PANK4: variants seen among roughly 807,000 people sequenced by gnomAD.
The protein encoded by PANK4 is 4'-phosphopantetheine phosphatase.
In PANK4, 40 loss-of-function variants were observed where a neutral mutation model predicts 87.9. The ratio of observed to expected loss-of-function variants is 0.46; its 90% confidence interval spans 0.35 to 0.59. The LOEUF is 0.59. Ranked by LOEUF, PANK4 falls within the 20% of genes least tolerant of loss-of-function variation. The pLI, the probability that PANK4 is intolerant of heterozygous loss-of-function variation, is 0.00. For synonymous variants in PANK4, 524 were observed against 467.4 expected (o/e 1.12, Z -1.56); for missense variants, 926 against 1,072.3 (o/e 0.86, Z 1.90).
intron 15 of PANK4, 135 bp downstream of exon 15, chr1:2,511,203 T>C: frequency 2.9e-6 from 2 of 691,808 alleles, no homozygotes; most frequent in Non-Finnish European, 5.2e-6. Context: ...CTGAGACCCT[T>C]GGCTCGCAGG....
rs1643618609 is a variant in PANK4, at chr1:2,509,202, G to C, written c.2109-142C>G. The C allele has an allele frequency of 1.5e-6, 1 of 651,114 alleles. No individual in the cohort carries two copies. Among genetic ancestry groups the C allele is most frequent in the East Asian group, 2.7e-5 (1 of 36,392 alleles). 40.3% of individuals were successfully genotyped at this position (651,114 alleles called of 1,614,324 possible). On this transcript the variant is annotated intron_variant, in intron 18 of 18. Transcript: ENST00000378466. The surrounding 1 kb of genome is among the most constrained non-coding windows in gnomAD (Gnocchi z 4.9). The stretch of plus-strand genomic sequence containing the variant: ...AGGCCTCCAAACCCAGCCTCCGCCT[G>C]GTAGCTGCCTCAGCCTGGGGCTTCC...
chr1:2,525,977 GC>G (rs1643918695), intron 1 of PANK4: 1 of 152,238 alleles, frequency 6.6e-6, no homozygotes. Context: ...GGAACGCGCG[GC>G]CTTTTCGGGG....
Position 2,521,157 on chromosome 1 carries a change from C to T in PANK4, c.366G>A (p.Ala122=), listed in dbSNP as rs758904812. The change falls in exon 3 of 19, where the codon GCG becomes GCA. Residue 122 remains alanine (A), a synonymous_variant. Transcript: ENST00000378466. ...LVNTETKVIQ[A]TGGGAYKFKD... Reference sequence around the variant, plus strand: ...TGAACTTGTAGGCCCCGCCCCCGGTCGCCTGGATGACCTTGGTCTCTGTGT... The same window carrying T: ...TGAACTTGTAGGCCCCGCCCCCGGTTGCCTGGATGACCTTGGTCTCTGTGT... 1.2e-5 allele frequency: 20 copies of T among 1,613,850 alleles called. No homozygotes were observed. The highest frequency in any genetic ancestry group is 2.2e-5 in the East Asian group (1 of 44,904).
chr1:2,514,045 T>C lies in PANK4; in HGVS notation c.1532A>G (p.Glu511Gly). The change falls in exon 12 of 19, where the codon GAG becomes GGG. Residue 511 changes from glutamate (E) to glycine (G), a missense_variant. Physicochemically the swap from Glu to Gly is moderately conservative, Grantham distance 98. Transcript: ENST00000378466. ...LTVRSLLDTR[E>G]HCLNEFNFPD... ...GAAGTTGAACTCGTTCAGACAGTGC[T>C]CCCTGGTGTCCAGCAGGCTGCGCAC... 1 of 1,612,860 alleles carries C rather than the reference T, an allele frequency of 6.2e-7. No individual in the cohort carries two copies. The highest frequency in any genetic ancestry group is 8.5e-7 in the Non-Finnish European group (1 of 1,179,918).
intron 1 of PANK4, 40 bp from the exon 2 acceptor site, chr1:2,521,840 GA>G: frequency 7.9e-6 from 12 of 1,518,488 alleles, no homozygotes; most frequent in Non-Finnish European, 9.1e-6. Flanking sequence ...TCAGGACCAG[GA>G]CACAGCGGGG....
Position 2,518,199 on chromosome 1 carries a change from C to T in PANK4, c.1183G>A (p.Glu395Lys), listed in dbSNP as rs1237514405. 3.7e-6 allele frequency: 6 copies of T among 1,610,604 alleles called. No individual in the cohort carries two copies. Among genetic ancestry groups the T allele is most frequent in the Admixed American group, 3.3e-5 (2 of 59,938 alleles). Residue 395 changes from glutamate to lysine, a missense_variant, in exon 9 of 19, where the codon GAG becomes AAG. Coordinates refer to ENST00000378466, the MANE Select transcript of PANK4 (RefSeq NM_018216.4). ...GSSGLMSASPELGPAQRARSG... is the reference protein window; with the variant it reads ...GSSGLMSASPKLGPAQRARSG... ...CGCGCCCGCTGCGCCGGGCCGAGCT[C>T]GGGTGATGCACTCATCAGCCCGGAG...
rs1036737721 is a variant in PANK4 at position 2,520,174 on chromosome 1, A to G, written c.699+148T>C. 750 of 804,586 alleles carry G rather than the reference A, an allele frequency of 9.3e-4. 9 individuals are homozygous for G. The highest frequency in any genetic ancestry group is 2.6e-4 in the Non-Finnish European group (131 of 497,220). 49.8% of individuals were successfully genotyped at this position (804,586 alleles called of 1,614,324 possible). A position where few individuals can be genotyped will look rare whatever the true frequency, so the allele number is the denominator to read the frequency against. On this transcript the variant is annotated intron_variant, in intron 5 of 18. Transcript: ENST00000378466. This position sits in a 1 kb window ranked among gnomAD's most constrained non-coding sequence, Gnocchi z 6.2. ...GACACCCAACCCTCAGGGCGCAAAG[A>G]GTGAAGCCGCAGAGGCCAGAGACCC...
At position 2,515,419 on chromosome 1, in the gene PANK4, C is replaced by T; in HGVS notation, c.1374+143G>A. On this transcript the variant is annotated intron_variant, in intron 10 of 18. Transcript: ENST00000378466. The surrounding 1 kb of genome is among the most constrained non-coding windows in gnomAD (Gnocchi z 5.0). Reference sequence around the variant, plus strand: ...ATTTTTGCCTGAGAAACCAAAATCGCCCCCTCACTCAGACGCAGATCAAGG... The same window carrying T: ...ATTTTTGCCTGAGAAACCAAAATCGTCCCCTCACTCAGACGCAGATCAAGG... The T allele has an allele frequency of 1.1e-6, 1 of 935,332 alleles. No homozygotes were observed. 57.9% of individuals were successfully genotyped at this position (935,332 alleles called of 1,614,324 possible). A position where few individuals can be genotyped will look rare whatever the true frequency, so the allele number is the denominator to read the frequency against.
intron 11 of PANK4, 92 bp from the exon 12 acceptor site, chr1:2,514,181 G>A: frequency 1.6e-6 from 2 of 1,225,880 alleles, no homozygotes; most frequent in Non-Finnish European, 2.4e-6. Context: ...GTCCTCAGGA[G>A]CCCGGCAGTG....
chr1:2,519,346 C>A lies in PANK4; in HGVS notation c.854-22G>T. The A allele has an allele frequency of 6.3e-7, 1 of 1,580,010 alleles. No individual in the cohort carries two copies. The highest frequency in any genetic ancestry group is 2.3e-5 in the East Asian group (1 of 43,922). On this transcript the variant is annotated intron_variant, in intron 6 of 18. Transcript: ENST00000378466. This position sits in a 1 kb window ranked among gnomAD's most constrained non-coding sequence, Gnocchi z 8.3. ...AACTCTGAGGAAGGGAAGGAAAAGG[C>A]ACTCATCTCCAAGTACAGCAAGTGC... is the stretch of plus-strand genomic sequence containing the variant.
intron 11 of PANK4, 93 bp from the exon 12 acceptor site, chr1:2,514,182 C>T: frequency 8.1e-7 from 1 of 1,227,158 alleles, no homozygotes; most frequent in Non-Finnish European, 1.2e-6. Context: ...TCCTCAGGAG[C>T]CCGGCAGTGC....
chr1:2,514,262 G>C, intron 11 of PANK4, 92 bp downstream of exon 11: 1 of 1,185,122 alleles, frequency 8.4e-7, no homozygotes, highest in Non-Finnish European at 1.3e-6. Flanking sequence ...AGCGAGCTGG[G>C]GTCCGAATGC....
chr1:2,510,027 GCCC>G lies in PANK4; in HGVS notation c.2039+27_2039+29del, dbSNP rs201665819. On this transcript the variant is annotated intron_variant, in intron 17 of 18. Transcript: ENST00000378466. This position sits in a 1 kb window ranked among gnomAD's most constrained non-coding sequence, Gnocchi z 4.9. ...CCAGCTGGTGCCCCTCCCCATCAAG[GCCC>G]CCCCAGCACTGCCCGCCAACACTCA... 1 of 1,581,608 alleles carries G rather than the reference GCCC, an allele frequency of 6.3e-7. No homozygotes were observed.
intron 9 of PANK4, among the ~76,000 whole-genome samples, chr1:2,517,817 C>T (rs1643809524): frequency 6.6e-6 from 1 of 152,226 alleles, no homozygotes; most frequent in African/African-American, 2.4e-5. Flanking sequence ...CCTGCGGTTT[C>T]GGGTTTCAAC....
intron 1 of PANK4, among the ~76,000 whole-genome samples, chr1:2,524,012 C>T (rs1416788717): frequency 6.6e-6 from 1 of 152,242 alleles, no homozygotes; most frequent in Non-Finnish European, 1.5e-5. Context: ...CTGCCATTCT[C>T]TCTGGTCCTG....
chr1:2,509,558 G>T lies in PANK4; in HGVS notation c.2108+304C>A, dbSNP rs1184614534. Among the ~76,000 whole-genome samples the T allele has an allele frequency of 1.3e-5, 2 of 152,168 alleles. No individual in the cohort carries two copies. The highest frequency in any genetic ancestry group is 4.8e-5 in the African/African-American group (2 of 41,422). Reference sequence around the variant, plus strand: ...GTGGGACACGGAGGTGACAGACACCGGGCAGCTGCCCAGGTCGCCCTCGGT... The same window carrying T: ...GTGGGACACGGAGGTGACAGACACCTGGCAGCTGCCCAGGTCGCCCTCGGT... On this transcript the variant is annotated intron_variant, in intron 18 of 18. Transcript: ENST00000378466. The surrounding 1 kb of genome is among the most constrained non-coding windows in gnomAD (Gnocchi z 4.9).
chr1:2,520,088 C>T lies in PANK4; in HGVS notation c.700-134G>A. On this transcript the variant is annotated intron_variant, in intron 5 of 18. Transcript: ENST00000378466. The surrounding 1 kb of genome is among the most constrained non-coding windows in gnomAD (Gnocchi z 6.2). ...GGCCCTCATCGCGTGGGACCAAAGG[C>T]AGGAGGCGGCAAGCGGGACCCTCGG... 1 of 916,196 alleles carries T rather than the reference C, an allele frequency of 1.1e-6. No individual in the cohort carries two copies. The highest frequency in any genetic ancestry group is 1.6e-6 in the Non-Finnish European group (1 of 619,296). 56.8% of individuals were successfully genotyped at this position (916,196 alleles called of 1,614,324 possible).
intron 7 of PANK4, 67 bp from the exon 8 acceptor site, chr1:2,518,664 C>G: frequency 7.5e-7 from 1 of 1,337,508 alleles, no homozygotes; most frequent in Non-Finnish European, 1.0e-6. Context: ...CGCAAACCAG[C>G]TCAACGTGCG....
chr1:2,518,314 A>G (rs751001854), intron 8 of PANK4, 50 bp from the exon 9 acceptor site: 5 of 1,340,834 alleles, frequency 3.7e-6, no homozygotes, highest in Non-Finnish European at 5.3e-6. Flanking sequence ...CCTTGATTCA[A>G]AAGCAGGAGA....
Sources: gnomAD v4.1 joint callset for allele counts (sites outside exome capture counted in the v4.1 genomes callset) on GRCh38, gnomAD v4.1.1 for gene constraint, Gnocchi (gnomAD v3.1) non-coding constraint, MANE v1.5 for transcripts, NCBI Gene and HGNC (gene_info 2026-07-23, HGNC 2026-07-21) for gene names.